RBPJ: variants seen among roughly 807,000 people sequenced by gnomAD.
The protein encoded by RBPJ is recombining binding protein suppressor of hairless.
RBPJ carries 9 observed loss-of-function variants against 67.8 expected under a neutral mutation model. The observed-to-expected ratio is 0.13, with a 90% CI of 0.08 to 0.23. The LOEUF (loss-of-function observed/expected upper bound fraction) is 0.23. RBPJ is among the 10% of genes least tolerant of loss of function. RBPJ has a pLI of 1.00. For missense variants in RBPJ, 305 were observed against 595.6 expected (o/e 0.51, Z 5.08); for synonymous variants, 198 against 203.3 (o/e 0.97, Z 0.22).
chr4:26,321,090 G>A, intron 1 of RBPJ, 42 bp downstream of exon 1: 1 of 1,510,812 alleles, frequency 6.6e-7, no homozygotes, highest in Non-Finnish European at 9.2e-7. Flanking sequence ...CGGGAAAGTT[G>A]CGGGCGTCTG....
intron 1 of RBPJ, among the ~76,000 whole-genome samples, chr4:26,230,439 C>T (rs1489575013): frequency 2.0e-5 from 3 of 152,194 alleles, no homozygotes; most frequent in Admixed American, 1.3e-4. Context: ...ATATTAACTG[C>T]TTTCATCTTC....
chr4:26,181,825 C>T (rs961301754), intron 1 of RBPJ, among the ~76,000 whole-genome samples: 5 of 152,110 alleles, frequency 3.3e-5, no homozygotes, highest in African/African-American at 1.2e-4. Flanking sequence ...GGGCACTTAC[C>T]GGGAATGGAG....
At chr4:26,404,153 T>G (rs1470601821) in intron 2 of RBPJ, among the ~76,000 whole-genome samples, 1 of 152,218 alleles carries the variant, frequency 6.6e-6, no homozygotes, top group Non-Finnish European at 1.5e-5. Flanking sequence ...TTCATATGCT[T>G]GTTGGCCACT....
intron 1 of RBPJ, among the ~76,000 whole-genome samples, chr4:26,271,706 T>C (rs1453081107): frequency 6.6e-6 from 1 of 152,166 alleles, no homozygotes; most frequent in Admixed American, 6.5e-5. Context: ...AGTGTCATTT[T>C]GGGGATGATA....
At chr4:26,149,695 G>A in the RBPJ span, among the ~76,000 whole-genome samples, 2 of 152,150 alleles carry the variant, frequency 1.3e-5, no homozygotes, top group Non-Finnish European at 2.9e-5. Flanking sequence ...CCCTCTCCAG[G>A]TGCCAGCACC....
At chr4:26,151,599 C>A in the RBPJ span, among the ~76,000 whole-genome samples, 1 of 152,216 alleles carries the variant, frequency 6.6e-6, no homozygotes, top group Non-Finnish European at 1.5e-5. Context: ...ACCACCACCT[C>A]CCTTTTACAG....
the RBPJ span, among the ~76,000 whole-genome samples, chr4:26,126,463 C>T: frequency 1.3e-5 from 2 of 152,198 alleles, no homozygotes; most frequent in African/African-American, 2.4e-5. Flanking sequence ...ATTTCTGGTA[C>T]GGCACAGGTG....
intron 1 of RBPJ, among the ~76,000 whole-genome samples, chr4:26,167,107 T>G (rs1441933548): frequency 6.6e-6 from 1 of 152,104 alleles, no homozygotes; most frequent in Non-Finnish European, 1.5e-5. Context: ...CATGCTGTTT[T>G]GGTTACTGTA....
chr4:26,113,519 T>C, the RBPJ span: 22 of 537,502 alleles, frequency 4.1e-5, no homozygotes, highest in Non-Finnish European at 7.7e-5. Context: ...AAAAACGTTC[T>C]GTGCGAAGTC....
intron 1 of RBPJ, among the ~76,000 whole-genome samples, chr4:26,348,587 A>G (rs1726430628): frequency 6.6e-6 from 1 of 152,240 alleles, no homozygotes; most frequent in Admixed American, 6.5e-5. Flanking sequence ...TACTGTACCA[A>G]TATACTGAAA....
chr4:26,221,239 C>T (rs1415535414), intron 1 of RBPJ, among the ~76,000 whole-genome samples: 7 of 152,056 alleles, frequency 4.6e-5, no homozygotes, highest in South Asian at 2.1e-4. Context: ...TACAGGCGCC[C>T]GCCACCACGC....
Position 26,264,403 on chromosome 4 carries a change from C to T in RBPJ, c.-166-98043C>T, listed in dbSNP as rs1395120254. Among the ~76,000 whole-genome samples, 1 of 152,168 alleles carries T rather than the reference C, an allele frequency of 6.6e-6. No individual in the cohort carries two copies. Among genetic ancestry groups the T allele is most frequent in the East Asian group, 1.9e-4 (1 of 5,196 alleles). On this transcript the variant is annotated intron_variant, in intron 1 of 4. Transcript: ENST00000512351. The surrounding 1 kb of genome is among the most constrained non-coding windows in gnomAD (Gnocchi z 4.1). The stretch of plus-strand genomic sequence containing the variant: ...TATGACAGCCTTCTGACTAACCTCC[C>T]TATCTCTCTTCTTTGCCTCCTACAT...
chr4:26,310,571 CA>C (rs1475979544), intron 1 of RBPJ, among the ~76,000 whole-genome samples: 1 of 149,960 alleles, frequency 6.7e-6, no homozygotes, highest in East Asian at 2.0e-4. Flanking sequence ...AATTAAATAA[CA>C]AAAATAATAT....
chr4:26,314,442 G>A (rs368279267), intron 1 of RBPJ, among the ~76,000 whole-genome samples: 2 of 152,256 alleles, frequency 1.3e-5, no homozygotes, highest in African/African-American at 2.4e-5. Context: ...CTGTGTCTCC[G>A]CCCAAATCTT....
At chr4:26,244,347 G>GTACACATA (rs1719819083) in intron 1 of RBPJ, among the ~76,000 whole-genome samples, 2 of 151,066 alleles carry the variant, frequency 1.3e-5, no homozygotes, top group East Asian at 2.0e-4. Flanking sequence ...ACACATATGT[G>GTACACATA]TGTATATATA....
intron 1 of RBPJ, among the ~76,000 whole-genome samples, chr4:26,269,310 C>G (rs1191071427): frequency 6.6e-6 from 1 of 151,654 alleles, no homozygotes; most frequent in African/African-American, 2.4e-5. Flanking sequence ...GGCTAGAATA[C>G]AGTGGCGGGA....
chr4:26,218,154 A>C (rs1237253488), intron 1 of RBPJ, among the ~76,000 whole-genome samples: 1 of 152,178 alleles, frequency 6.6e-6, no homozygotes, highest in African/African-American at 2.4e-5. Flanking sequence ...GTCTTTGTTC[A>C]TGTGAGGATC....
At chr4:26,426,557 G>A (rs144309812) in intron 7 of RBPJ, among the ~76,000 whole-genome samples, 30 of 152,228 alleles carry the variant, frequency 2.0e-4, no homozygotes, top group Middle Eastern at 3.4e-3. Context: ...AGTGCCTCTC[G>A]TCATTGAGTT....
Position 26,430,428 on chromosome 4 carries a change from G to A in RBPJ, c.1054G>A (p.Gly352Ser), listed in dbSNP as rs763438082. The change falls in exon 10 of 11, where the codon GGT becomes AGT. Residue 352 changes from glycine (G) to serine (S), a missense_variant. This residue lies in a region of RBPJ where 47 missense variants were observed against 128.2 expected (regional missense o/e 0.37). Coordinates refer to ENST00000355476, the MANE Select transcript of RBPJ (RefSeq NM_015874.6). This position sits in a 1 kb window ranked among gnomAD's most constrained non-coding sequence, Gnocchi z 4.1. ...PVVESLQLNG[G>S]GDVAMLELTG... is the part of the protein sequence containing the mutation. ...TTTCTGTGAATTGCAGTTGAATGGC[G>A]GTGGGGACGTAGCAATGCTTGAACT... 6.2e-7 allele frequency: 1 copy of A among 1,612,266 alleles called. No homozygotes were observed. Among genetic ancestry groups the A allele is most frequent in the Non-Finnish European group, 8.5e-7 (1 of 1,179,166 alleles).
Sources: allele counts gnomAD v4.1 joint callset (sites outside exome capture counted in the v4.1 genomes callset), GRCh38; gene constraint gnomAD v4.1.1; regional missense constraint gnomAD v4.1.1; non-coding constraint Gnocchi (gnomAD v3.1); transcripts MANE v1.5; gene names NCBI Gene and HGNC (gene_info 2026-07-23, HGNC 2026-07-21).